ZNF711: variants seen among roughly 807,000 people sequenced by gnomAD.
ZNF711 encodes the protein zinc finger protein 711.
In ZNF711, 3 loss-of-function variants were observed where a neutral mutation model predicts 43.5. The observed-to-expected ratio is 0.07, with a 90% confidence interval of 0.03 to 0.18. The LOEUF (loss-of-function observed/expected upper bound fraction) is 0.18, where lower values mean the gene tolerates loss of function less well. Ranked by LOEUF, ZNF711 falls within the 10% of genes least tolerant of loss-of-function variation. The pLI is 1.00. For synonymous variants in ZNF711, 209 were observed against 207.7 expected (o/e 1.01, Z -0.06); for missense variants, 412 against 604.0 (o/e 0.68, Z 3.33).
chrX:85,251,844 G>A (rs1423686315), intron 4 of ZNF711, among the ~76,000 whole-genome samples: 2 of 110,124 alleles, frequency 1.8e-5, no homozygotes, highest in African/African-American at 6.6e-5. Flanking sequence ...TCCCAGGCAA[G>A]TAGAAAAAAG....
intron 4 of ZNF711, among the ~76,000 whole-genome samples, chrX:85,253,007 A>C (rs1194967418): frequency 7.1e-5 from 8 of 111,963 alleles, no homozygotes; most frequent in Non-Finnish European, 1.3e-4. Context: ...AAGTGATCAA[A>C]AGGTTTTGTA....
Position 85,273,097 on chromosome X carries a change from C to G in ZNF711, c.*1269C>G, listed in dbSNP as rs1162376265. On this transcript the variant is annotated 3_prime_UTR_variant, in exon 11 of 11. Coordinates refer to ENST00000674551, the MANE Select transcript of ZNF711 (RefSeq NM_001330574.2). ...TCAACATAATTAAAATGTAATTTTA[C>G]TTCATGCTATATTGTGGCTTTGTGT... 1 of 111,997 alleles carries G rather than the reference C, an allele frequency of 8.9e-6. No homozygotes were observed. The highest frequency in any genetic ancestry group is 3.2e-5 in the African/African-American group (1 of 30,815). 9.2% of individuals were successfully genotyped at this position (111,997 alleles called of 1,213,427 possible).
chrX:85,255,814 T>C lies in ZNF711; in HGVS notation c.622+13T>C, dbSNP rs1420948558. 8.3e-7 allele frequency: 1 copy of C among 1,204,333 alleles called. No individual in the cohort carries two copies. Among genetic ancestry groups the C allele is most frequent in the Admixed American group, 2.2e-5 (1 of 45,732 alleles). On this transcript the variant is annotated intron_variant, in intron 5 of 10. Coordinates refer to ENST00000674551, the MANE Select transcript of ZNF711 (RefSeq NM_001330574.2). ...TTAATGATATCTTGTAAGTGAAACATAAAGCCCATAATTACTCAGGAGATT... is the reference window on the plus strand; with the variant it reads ...TTAATGATATCTTGTAAGTGAAACACAAAGCCCATAATTACTCAGGAGATT...
At chrX:85,250,254 G>C (rs58821460) in intron 4 of ZNF711, among the ~76,000 whole-genome samples, 24,006 of 110,865 alleles carry the variant, frequency 0.22, 2,461 homozygotes, top group African/African-American at 0.4. Context: ...ATAAATAGCA[G>C]AGCCTCTTGG....
At chrX:85,244,958 CTT>C (rs1303677844) in intron 1 of ZNF711, 1 of 111,702 alleles carries the variant, frequency 9.0e-6, no homozygotes, top group Admixed American at 9.4e-5. Flanking sequence ...CGAAGGTTCT[CTT>C]GTTAGGTTTA....
chrX:85,260,134 A>G (rs999250967), intron 5 of ZNF711, among the ~76,000 whole-genome samples: 4 of 111,282 alleles, frequency 3.6e-5, no homozygotes, highest in African/African-American at 1.3e-4. Flanking sequence ...AGCTTTTCCC[A>G]TATCTACTGC....
At chrX:85,248,242 G>A (rs377037225) in intron 4 of ZNF711, among the ~76,000 whole-genome samples, 86 of 107,807 alleles carry the variant, frequency 8.0e-4, no homozygotes, top group African/African-American at 2.3e-3. Flanking sequence ...GGCAAAGGCG[G>A]GCGGATCACG....
chrX:85,257,957 C>G (rs1930317571), intron 5 of ZNF711, among the ~76,000 whole-genome samples: 1 of 112,994 alleles, frequency 8.9e-6, no homozygotes, highest in Non-Finnish European at 1.9e-5. Flanking sequence ...AGTACAACCA[C>G]TATGGAAAAC....
At chrX:85,264,494 A>G in intron 6 of ZNF711, 64 bp downstream of exon 6, 1 of 1,044,195 alleles carries the variant, frequency 9.6e-7, no homozygotes, top group Non-Finnish European at 1.3e-6. Flanking sequence ...TTTTCTGGGG[A>G]CTAGTCTAAA....
At chrX:85,255,128 T>G (rs111922255) in intron 4 of ZNF711, 131 bp from the exon 5 acceptor site, 1 of 673,515 alleles carries the variant, frequency 1.5e-6, no homozygotes. Context: ...TGTCAATGAT[T>G]TTAAAAAATG....
Position 85,268,300 on chromosome X carries a change from AAAG to A in ZNF711, c.1066_1068del (p.Arg356del). 6.3e-6 allele frequency: 7 copies of A among 1,106,855 alleles called. No individual in the cohort carries two copies. The highest frequency in any genetic ancestry group is 8.5e-6 in the Non-Finnish European group (7 of 821,566). 91.2% of individuals were successfully genotyped at this position (1,106,855 alleles called of 1,213,427 possible). A position where few individuals can be genotyped will look rare whatever the true frequency, so the allele number is the denominator to read the frequency against. Reference sequence around the variant, plus strand: ...TTTTTTTTTTTTTTTTTAGGAGATGAAAGAAGAGTTTCCCGAAGGTATGAAGAT... The same window carrying A: ...TTTTTTTTTTTTTTTTTAGGAGATGAAAGAGTTTCCCGAAGGTATGAAGAT... On this transcript the variant is annotated inframe_deletion, in exon 9 of 11. Coordinates refer to ENST00000674551, the MANE Select transcript of ZNF711 (RefSeq NM_001330574.2).
rs1215132897 is a variant in ZNF711 at position 85,255,611 on chromosome X, G to A, written c.432G>A (p.Val144=). ...VTGPNGHLEH[V]VQDCVSGVDS... ...GTCCTAATGGACACTTAGAACATGT[G>A]GTCCAAGATTGTGTTTCAGGAGTCG... The change falls in exon 5 of 11, where the codon GTG becomes GTA. Residue 144 remains valine (V), a synonymous_variant. Transcript: ENST00000674551. The A allele has an allele frequency of 1.7e-6, 2 of 1,211,383 alleles. No homozygotes were observed. Among genetic ancestry groups the A allele is most frequent in the Non-Finnish European group, 2.2e-6 (2 of 895,309 alleles).
At chrX:85,254,671 G>A (rs761723402) in intron 4 of ZNF711, among the ~76,000 whole-genome samples, 1 of 91,779 alleles carries the variant, frequency 1.1e-5, no homozygotes, top group Non-Finnish European at 2.1e-5. Flanking sequence ...GCGCAGTGGC[G>A]GGCGCCTGTA....
At chrX:85,258,636 T>C (rs1930384288) in intron 5 of ZNF711, among the ~76,000 whole-genome samples, 1 of 110,932 alleles carries the variant, frequency 9.0e-6, no homozygotes, top group African/African-American at 3.3e-5. Flanking sequence ...TCTGTGGTTT[T>C]GATTTGCATT....
At chrX:85,250,432 A>G (rs1012999660) in intron 4 of ZNF711, among the ~76,000 whole-genome samples, 1 of 111,883 alleles carries the variant, frequency 8.9e-6, no homozygotes, top group African/African-American at 3.2e-5. Flanking sequence ...TTTAATTAGT[A>G]TTTTCATATT....
intron 5 of ZNF711, among the ~76,000 whole-genome samples, chrX:85,261,236 A>C (rs750592713): frequency 9.0e-6 from 1 of 111,470 alleles, no homozygotes; most frequent in East Asian, 2.9e-4. Flanking sequence ...TACTAATAAC[A>C]TTCCATTATA....
intron 6 of ZNF711, among the ~76,000 whole-genome samples, chrX:85,264,899 C>G (rs922122866): frequency 9.0e-6 from 1 of 111,116 alleles, no homozygotes; most frequent in African/African-American, 3.3e-5. Context: ...GACTTATATA[C>G]TGCTTGGCAT....
At chrX:85,265,020 AT>A (rs752294392) in intron 6 of ZNF711, 97 bp from the exon 7 acceptor site, 15 of 809,818 alleles carry the variant, frequency 1.9e-5, no homozygotes, top group South Asian at 1.0e-4. Context: ...TTTGGAATTT[AT>A]TTTTTTTCTA....
Position 85,266,662 on chromosome X carries a change from AT to A in ZNF711, c.917-606del, listed in dbSNP as rs1009165049. Among the ~76,000 whole-genome samples, 205 of 106,557 alleles carry A rather than the reference AT, an allele frequency of 1.9e-3. 1 individual carries two copies. Among genetic ancestry groups the A allele is most frequent in the African/African-American group, 6.4e-3 (188 of 29,463 alleles). The allele number at this position is 106,557 out of a possible 115,157, so 92.5% of individuals were successfully genotyped here. On this transcript the variant is annotated intron_variant, in intron 7 of 10. Coordinates refer to ENST00000674551, the MANE Select transcript of ZNF711 (RefSeq NM_001330574.2). ...ATATTGTGGCTCTCTAGGTTTAAAT[AT>A]TTTTTTTTTCTTACCGCAATATTGT...
Sources: gnomAD v4.1 joint callset for allele counts (sites outside exome capture counted in the v4.1 genomes callset) on GRCh38, gnomAD v4.1.1 for gene constraint, MANE v1.5 for transcripts, NCBI Gene and HGNC (gene_info 2026-07-23, HGNC 2026-07-21) for gene names.